EYA1: variants seen among roughly 807,000 people sequenced by gnomAD.
The protein encoded by EYA1 is EYA transcriptional coactivator and phosphatase 1.
Under a neutral mutation model 82.0 loss-of-function variants are expected in EYA1, and 16 were observed. The observed-to-expected ratio is 0.20, with a 90% CI of 0.13 to 0.30. The LOEUF is 0.30. Among genes scored for constraint, EYA1 ranks in the 10% least tolerant of loss-of-function variants. EYA1 has a pLI of 1.00. For synonymous variants in EYA1, 261 were observed against 264.4 expected (o/e 0.99, Z 0.12); for missense variants, 633 against 730.7 (o/e 0.87, Z 1.54).
At chr8:71,519,792 C>T (rs2129268262) in intron 2 of EYA1, among the ~76,000 whole-genome samples, 1 of 152,210 alleles carries the variant, frequency 6.6e-6, no homozygotes, top group East Asian at 1.9e-4. Context: ...ATTTTGGTGT[C>T]CCTCTATGGT....
At chr8:71,468,542 A>T (rs1239385547) in intron 2 of EYA1, among the ~76,000 whole-genome samples, 2 of 152,192 alleles carry the variant, frequency 1.3e-5, no homozygotes, top group Non-Finnish European at 2.9e-5. Context: ...GCATTTGTGG[A>T]TATACACAGT....
intron 2 of EYA1, among the ~76,000 whole-genome samples, chr8:71,453,515 A>G (rs967826077): frequency 6.6e-6 from 1 of 152,252 alleles, no homozygotes; most frequent in African/African-American, 2.4e-5. Context: ...AAGGGCAGGC[A>G]GAAAGAAAGG....
chr8:71,470,821 C>A, intron 2 of EYA1: 1 of 449,812 alleles, frequency 2.2e-6, no homozygotes, highest in Non-Finnish European at 4.4e-6. Context: ...AAAAACAGAA[C>A]CGTAGTACTA....
chr8:71,547,264 C>G (rs1018863082), intron 1 of EYA1, among the ~76,000 whole-genome samples: 4 of 152,186 alleles, frequency 2.6e-5, no homozygotes, highest in African/African-American at 9.6e-5. Context: ...ACTGGAGCTT[C>G]GAGCTCACGC....
Position 71,393,344 on chromosome 8 carries a change from G to A in EYA1, c.34-36833C>T, listed in dbSNP as rs193120442. Among the ~76,000 whole-genome samples the A allele has an allele frequency of 7.8e-4, 119 of 151,830 alleles. 1 individual carries two copies. The highest frequency in any genetic ancestry group is 2.7e-3 in the African/African-American group (112 of 41,396). On this transcript the variant is annotated intron_variant, in intron 2 of 18. Transcript: ENST00000643681. ...AAGTTCTAGGGTACATGTGCACAAC[G>A]TGCAGGTTTGTTACATATGTATACA...
At chr8:71,406,444 G>A (rs1830228734) in intron 2 of EYA1, among the ~76,000 whole-genome samples, 1 of 152,208 alleles carries the variant, frequency 6.6e-6, no homozygotes, top group Non-Finnish European at 1.5e-5. Flanking sequence ...GGTGATTTCT[G>A]CATTTCCATC....
At chr8:71,533,710 G>T (rs188740386) in intron 2 of EYA1, among the ~76,000 whole-genome samples, 1 of 152,158 alleles carries the variant, frequency 6.6e-6, no homozygotes, top group African/African-American at 2.4e-5. Flanking sequence ...AAGGAAGCCC[G>T]AGGAGCTCAC....
At chr8:71,254,168 C>T (rs1230333302) in intron 11 of EYA1, among the ~76,000 whole-genome samples, 2 of 145,158 alleles carry the variant, frequency 1.4e-5, no homozygotes, top group Admixed American at 7.0e-5. Context: ...GAAGGAGCTT[C>T]TCCAACTGGA....
chr8:71,510,405 T>C (rs912810074), intron 2 of EYA1, among the ~76,000 whole-genome samples: 1 of 152,202 alleles, frequency 6.6e-6, no homozygotes, highest in Admixed American at 6.5e-5. Flanking sequence ...TCCGTTCTCA[T>C]GCTGCTATGA....
chr8:71,366,177 A>C (rs1383653546), upstream of EYA1, among the ~76,000 whole-genome samples: 1 of 152,130 alleles, frequency 6.6e-6, no homozygotes, highest in African/African-American at 2.4e-5. Flanking sequence ...TTCTTAATAG[A>C]AACTTTAAGC....
chr8:71,407,776 G>C (rs1830343294), intron 2 of EYA1, among the ~76,000 whole-genome samples: 1 of 140,726 alleles, frequency 7.1e-6, no homozygotes, highest in Non-Finnish European at 1.6e-5. Flanking sequence ...GCGGAGAATG[G>C]AACCAAGTTG....
intron 2 of EYA1, among the ~76,000 whole-genome samples, chr8:71,493,417 A>T (rs1811163751): frequency 6.6e-6 from 1 of 152,196 alleles, no homozygotes; most frequent in Non-Finnish European, 1.5e-5. Context: ...CATGTGGTTT[A>T]TCCAGTAAAC....
chr8:71,352,210 G>C (rs2129065958), intron 3 of EYA1, among the ~76,000 whole-genome samples: 1 of 152,242 alleles, frequency 6.6e-6, no homozygotes, highest in African/African-American at 2.4e-5. Context: ...ACACGCCAGA[G>C]AAGTTTGTCA....
intron 2 of EYA1, among the ~76,000 whole-genome samples, chr8:71,488,029 C>CA (rs1366698526): frequency 6.6e-6 from 1 of 151,334 alleles, no homozygotes; most frequent in African/African-American, 2.4e-5. Context: ...TCACAACAAC[C>CA]AAAAAAAGGA....
chr8:71,283,661 T>C (rs1818069415), intron 9 of EYA1, among the ~76,000 whole-genome samples: 2 of 152,156 alleles, frequency 1.3e-5, no homozygotes, highest in African/African-American at 2.4e-5. Flanking sequence ...GAAATACTTA[T>C]CAATGTCTTC....
intron 17 of EYA1, chr8:71,199,933 A>C (rs1383926905): frequency 6.3e-6 from 1 of 158,000 alleles, no homozygotes; most frequent in Non-Finnish European, 1.4e-5. Flanking sequence ...TACCATATGG[A>C]AAACGTTTTA....
Position 71,211,128 on chromosome 8 carries a change from A to ACAAG in EYA1, c.1698+24_1698+27dup. On this transcript the variant is annotated intron_variant, in intron 17 of 17. Coordinates refer to ENST00000340726, the MANE Select transcript of EYA1 (RefSeq NM_000503.6). The stretch of plus-strand genomic sequence containing the variant: ...ACTGAGGACTGAAAAAACAAATGAG[A>ACAAG]CAAGATGCACCATCTAGGAATGCTC... 3 of 1,414,024 alleles carry ACAAG rather than the reference A, an allele frequency of 2.1e-6. No homozygotes were observed. In the South Asian group the frequency reaches 3.4e-5, roughly 16 times the overall value. 87.6% of individuals were successfully genotyped at this position (1,414,024 alleles called of 1,614,324 possible). A position where few individuals can be genotyped will look rare whatever the true frequency, so the allele number is the denominator to read the frequency against.
intron 3 of EYA1, among the ~76,000 whole-genome samples, chr8:71,338,588 C>T (rs941289063): frequency 1.3e-5 from 2 of 152,184 alleles, no homozygotes; most frequent in South Asian, 2.1e-4. Flanking sequence ...CTGGTTATAC[C>T]TTGAAGGTTC....
chr8:71,547,625 C>T (rs1347225067), intron 1 of EYA1: 2 of 151,872 alleles, frequency 1.3e-5, no homozygotes, highest in African/African-American at 4.8e-5. Context: ...CGATCGCCGC[C>T]CTCCTGCCCC....
Sources: allele counts gnomAD v4.1 joint callset (sites outside exome capture counted in the v4.1 genomes callset), GRCh38; gene constraint gnomAD v4.1.1; transcripts MANE v1.5; gene names NCBI Gene and HGNC (gene_info 2026-07-23, HGNC 2026-07-21).